SLC35F1: variants seen among roughly 807,000 people sequenced by gnomAD.
SLC35F1 encodes chromosome 6 open reading frame 169.
SLC35F1 carries 14 observed loss-of-function variants against 48.7 expected under a neutral mutation model. The observed-to-expected ratio is 0.29, with a 90% CI of 0.19 to 0.45. SLC35F1 has a LOEUF of 0.45. SLC35F1 is among the 20% of genes least tolerant of loss of function. The probability of loss-of-function intolerance (pLI) is 1.00; values close to 1 mark genes in which losing one functional copy is unlikely to be tolerated. For synonymous variants in SLC35F1, 190 were observed against 202.2 expected (o/e 0.94, Z 0.51); for missense variants, 404 against 500.0 (o/e 0.81, Z 1.83).
intron 3 of SLC35F1, among the ~76,000 whole-genome samples, chr6:118,250,103 C>T (rs1035754651): frequency 6.6e-6 from 1 of 152,326 alleles, no homozygotes; most frequent in East Asian, 1.9e-4. Flanking sequence ...CCAGGCGATG[C>T]AATGAGCACC....
chr6:118,227,884 G>A lies in SLC35F1; in HGVS notation c.350-7625G>A, dbSNP rs191646029. 1.2e-3 allele frequency among the ~76,000 whole-genome samples: 190 copies of A among 152,264 alleles called. 1 individual carries two copies. Among genetic ancestry groups the A allele is most frequent in the African/African-American group, 4.3e-3 (177 of 41,554 alleles). ...GGTGAGAGGGGAACAAAATGAGAAC[G>A]AACACAAAGTTTCTTCTCTTGTCTT... is the stretch of plus-strand genomic sequence containing the variant. On this transcript the variant is annotated intron_variant, in intron 2 of 7. Transcript: ENST00000360388.
intron 1 of SLC35F1, among the ~76,000 whole-genome samples, chr6:118,059,897 G>A (rs537657598): frequency 3.9e-5 from 6 of 152,316 alleles, no homozygotes; most frequent in African/African-American, 1.4e-4. Flanking sequence ...AGAGGTAGGA[G>A]AAGAAACACT....
chr6:118,160,090 T>C (rs1774208212), intron 2 of SLC35F1, among the ~76,000 whole-genome samples: 1 of 152,214 alleles, frequency 6.6e-6, no homozygotes, highest in Non-Finnish European at 1.5e-5. Flanking sequence ...GTTTTCCTCC[T>C]CAATTTCCTC....
intron 1 of SLC35F1, among the ~76,000 whole-genome samples, chr6:117,934,971 G>T (rs567096650): frequency 6.6e-6 from 1 of 152,164 alleles, no homozygotes; most frequent in Non-Finnish European, 1.5e-5. Flanking sequence ...GCTGGACATC[G>T]TGGTGAATGC....
chr6:118,232,460 A>T (rs540439279), intron 2 of SLC35F1, among the ~76,000 whole-genome samples: 18 of 150,760 alleles, frequency 1.2e-4, no homozygotes, highest in African/African-American at 3.9e-4. Context: ...AGGCAGGAGA[A>T]TCGCTTGAAC....
intron 3 of SLC35F1, among the ~76,000 whole-genome samples, chr6:118,240,300 G>A (rs1775420529): frequency 6.6e-6 from 1 of 152,190 alleles, no homozygotes; most frequent in Non-Finnish European, 1.5e-5. Context: ...TCAAGAAAGT[G>A]TCCATTCAGA....
At chr6:117,959,491 A>G (rs1264490097) in intron 1 of SLC35F1, among the ~76,000 whole-genome samples, 1 of 152,198 alleles carries the variant, frequency 6.6e-6, no homozygotes, top group Admixed American at 6.5e-5. Context: ...AAGTTTCCCA[A>G]TGCTCAGCGT....
intron 1 of SLC35F1, among the ~76,000 whole-genome samples, chr6:117,956,504 T>G (rs1432669399): frequency 3.3e-5 from 5 of 152,222 alleles, no homozygotes; most frequent in Non-Finnish European, 7.3e-5. Context: ...AGTGCTGCTT[T>G]ACTAGGCAAC....
At chr6:118,178,728 C>T (rs533266625) in intron 2 of SLC35F1, among the ~76,000 whole-genome samples, 1 of 152,174 alleles carries the variant, frequency 6.6e-6, no homozygotes, top group Admixed American at 6.6e-5. Context: ...AGATAACTCT[C>T]TTATGTTTTT....
chr6:117,966,006 ACCAATCAGCACTCTGTAAAGCAGG>A (rs1262952906), intron 1 of SLC35F1, among the ~76,000 whole-genome samples: 1 of 136,956 alleles, frequency 7.3e-6, no homozygotes, highest in Non-Finnish European at 1.7e-5. Context: ...GTCAAAATGG[ACCAATCAGCACTCTGTAAAGCAGG>A]CCAATCAGCA....
At chr6:118,117,205 AT>A (rs1773487023) in intron 1 of SLC35F1, among the ~76,000 whole-genome samples, 1 of 152,108 alleles carries the variant, frequency 6.6e-6, no homozygotes, top group Non-Finnish European at 1.5e-5. Context: ...CAACACCCCT[AT>A]TTGCATATAT....
chr6:118,272,911 C>G (rs1224343717), intron 4 of SLC35F1, among the ~76,000 whole-genome samples: 1 of 149,860 alleles, frequency 6.7e-6, no homozygotes, highest in African/African-American at 2.5e-5. Context: ...TTTATTATAT[C>G]AAACACTTCA....
intron 1 of SLC35F1, among the ~76,000 whole-genome samples, chr6:118,131,201 A>AT (rs1175472085): frequency 1.3e-5 from 2 of 152,164 alleles, no homozygotes; most frequent in South Asian, 2.1e-4. Flanking sequence ...AAACGTAAGA[A>AT]TTTTTTTATT....
intron 1 of SLC35F1, among the ~76,000 whole-genome samples, chr6:118,056,343 G>T (rs974046936): frequency 2.6e-5 from 4 of 151,862 alleles, no homozygotes; most frequent in African/African-American, 9.7e-5. Context: ...TTTTTTCTAA[G>T]AATTAAATCC....
At chr6:118,180,363 G>GT (rs1472048392) in intron 2 of SLC35F1, among the ~76,000 whole-genome samples, 1 of 151,952 alleles carries the variant, frequency 6.6e-6, no homozygotes, top group African/African-American at 2.4e-5. Flanking sequence ...AAGAGGCAGC[G>GT]TAACAATAAG....
At chr6:118,125,218 A>C (rs1773606335) in intron 1 of SLC35F1, among the ~76,000 whole-genome samples, 1 of 152,208 alleles carries the variant, frequency 6.6e-6, no homozygotes, top group African/African-American at 2.4e-5. Flanking sequence ...CTTTCAGACT[A>C]CTGATTCAAA....
intron 7 of SLC35F1, among the ~76,000 whole-genome samples, chr6:118,313,240 C>T (rs1311753095): frequency 1.3e-5 from 2 of 152,212 alleles, no homozygotes. Context: ...TCCCCAGTAA[C>T]TACTGAAGTA....
intron 2 of SLC35F1, among the ~76,000 whole-genome samples, chr6:118,193,751 T>C (rs1774763927): frequency 6.6e-6 from 1 of 152,170 alleles, no homozygotes; most frequent in Non-Finnish European, 1.5e-5. Context: ...AGGGTCTGAC[T>C]CTTTCCAGCA....
intron 2 of SLC35F1, among the ~76,000 whole-genome samples, chr6:118,156,455 A>G (rs1383009154): frequency 6.6e-6 from 1 of 152,084 alleles, no homozygotes; most frequent in Non-Finnish European, 1.5e-5. Flanking sequence ...GTTCTCACTC[A>G]TAGGTGGGAA....
Sources: gnomAD v4.1 joint callset for allele counts (sites outside exome capture counted in the v4.1 genomes callset) on GRCh38, gnomAD v4.1.1 for gene constraint, MANE v1.5 for transcripts, NCBI Gene and HGNC (gene_info 2026-07-23, HGNC 2026-07-21) for gene names.